NFATC2: variants seen among roughly 807,000 people sequenced by gnomAD.
The protein encoded by NFATC2 is nuclear factor of activated T-cells, cytoplasmic 2.
NFATC2 carries 22 observed loss-of-function variants against 87.3 expected under a neutral mutation model. That is an observed-to-expected ratio of 0.25 (90% CI 0.18 to 0.36). The LOEUF is 0.36. Among genes scored for constraint, NFATC2 ranks in the 10% least tolerant of loss-of-function variants. NFATC2 has a pLI of 1.00. For synonymous variants in NFATC2, 565 were observed against 542.2 expected, an observed-to-expected ratio of 1.04 and a Z score of -0.58; for missense variants, 1,149 against 1,259.1, an observed-to-expected ratio of 0.91 and a Z score of 1.32.
At chr20:51,561,473 AAGAAAG>A (rs1568765833) in intron 1 of NFATC2, among the ~76,000 whole-genome samples, 1 of 137,068 alleles carries the variant, frequency 7.3e-6, no homozygotes, top group Non-Finnish European at 1.6e-5. Context: ...GAAAGAAAGA[AAGAAAG>A]AAAGAAAGCA....
chr20:51,468,066 G>A (rs956140065), intron 5 of NFATC2, among the ~76,000 whole-genome samples: 4 of 152,190 alleles, frequency 2.6e-5, no homozygotes, highest in African/African-American at 9.7e-5. Context: ...ACCCAGAAGG[G>A]TACACACTGT....
At chr20:51,512,290 T>A (rs774477425) in intron 3 of NFATC2, among the ~76,000 whole-genome samples, 9 of 152,218 alleles carry the variant, frequency 5.9e-5, no homozygotes, top group Non-Finnish European at 1.3e-4. Flanking sequence ...TAATCAGCCA[T>A]CACGTCCCAC....
chr20:51,469,548 T>A (rs993342027), intron 5 of NFATC2, among the ~76,000 whole-genome samples: 1 of 152,050 alleles, frequency 6.6e-6, no homozygotes, highest in Non-Finnish European at 1.5e-5. Flanking sequence ...AAACTTCACA[T>A]CCACCCACAA....
intron 3 of NFATC2, among the ~76,000 whole-genome samples, chr20:51,483,172 A>C (rs1382623921): frequency 6.6e-6 from 1 of 152,120 alleles, no homozygotes; most frequent in East Asian, 1.9e-4. Context: ...CAAACACTGC[A>C]ATAAGAACCC....
chr20:51,458,729 G>A (rs1204924851), intron 5 of NFATC2, among the ~76,000 whole-genome samples: 1 of 152,016 alleles, frequency 6.6e-6, no homozygotes, highest in African/African-American at 2.4e-5. Flanking sequence ...CAGGAGAATT[G>A]CTTGAACCGG....
chr20:51,456,278 T>C (rs955072126), intron 5 of NFATC2, among the ~76,000 whole-genome samples: 38 of 152,166 alleles, frequency 2.5e-4, no homozygotes, highest in African/African-American at 7.0e-4. Context: ...TGCTGAGCAC[T>C]AAACCAGAAT....
At chr20:51,461,723 G>A (rs1386373038) in intron 5 of NFATC2, among the ~76,000 whole-genome samples, 3 of 152,232 alleles carry the variant, frequency 2.0e-5, no homozygotes, top group East Asian at 1.9e-4. Flanking sequence ...TCTGAAATTC[G>A]CCGTCAAGCC....
At chr20:51,409,827 G>A (rs2426305) in intron 9 of NFATC2, among the ~76,000 whole-genome samples, 94,562 of 152,058 alleles carry the variant, frequency 0.62, 30,879 homozygotes, top group Non-Finnish European at 0.74. Context: ...ATGAATGTGG[G>A]GTATGAGCAG....
At chr20:51,406,906 CTT>C (rs1978398210) in intron 9 of NFATC2, among the ~76,000 whole-genome samples, 1 of 152,226 alleles carries the variant, frequency 6.6e-6, no homozygotes, top group Admixed American at 6.5e-5. Flanking sequence ...GGAATTCCAT[CTT>C]GATTGACTCT....
At chr20:51,504,511 C>T (rs1358371300) in intron 3 of NFATC2, among the ~76,000 whole-genome samples, 2 of 152,166 alleles carry the variant, frequency 1.3e-5, no homozygotes, top group Non-Finnish European at 2.9e-5. Flanking sequence ...ATCTCAAGGT[C>T]GTTAAAGATT....
At chr20:51,556,824 C>T (rs2076982548) in intron 1 of NFATC2, among the ~76,000 whole-genome samples, 1 of 152,116 alleles carries the variant, frequency 6.6e-6, no homozygotes. Context: ...GCTTCAGCCA[C>T]CCAGAGAAGC....
intron 3 of NFATC2, among the ~76,000 whole-genome samples, chr20:51,509,964 T>C (rs921202900): frequency 6.6e-6 from 1 of 152,220 alleles, no homozygotes; most frequent in Admixed American, 6.5e-5. Flanking sequence ...GAAATGGCCA[T>C]CGGGTTTCCG....
At chr20:51,421,064 C>T (rs1443667138) in intron 9 of NFATC2, among the ~76,000 whole-genome samples, 1 of 132,544 alleles carries the variant, frequency 7.5e-6, no homozygotes, top group Non-Finnish European at 1.5e-5. Context: ...ATAGCAAGAC[C>T]CTATGTCTTA....
intron 9 of NFATC2, among the ~76,000 whole-genome samples, chr20:51,405,524 G>A: frequency 6.6e-6 from 1 of 152,226 alleles, no homozygotes; most frequent in Non-Finnish European, 1.5e-5. Flanking sequence ...CATAGGCACT[G>A]CCTTTCAGCT....
At chr20:51,542,295 G>T in intron 1 of NFATC2, 75 bp downstream of exon 1, 1 of 1,512,742 alleles carries the variant, frequency 6.6e-7, no homozygotes, top group Non-Finnish European at 8.8e-7. Context: ...GGAGCCAAGA[G>T]GACTCCTGTG....
In NFATC2 at chr20:51,523,287, G is replaced by A. The variant is rs1056395742; in HGVS notation, c.954C>T (p.Ile318=). ...GGCTGGTCTTCCACATCTTGGGGGG[G>A]ATCCCACAAGGCGAGTCCGTGGCGA... ...NSLATDSPCG[I]PPKMWKTSPD... The change falls in exon 2 of 11, where the codon ATC becomes ATT. Residue 318 remains isoleucine (I), a synonymous_variant. Transcript: ENST00000371564. The surrounding 1 kb of genome is among the most constrained non-coding windows in gnomAD (Gnocchi z 6.9). 3.7e-6 allele frequency: 6 copies of A among 1,613,686 alleles called. No individual in the cohort carries two copies. Among genetic ancestry groups the A allele is most frequent in the Admixed American group, 1.7e-5 (1 of 59,994 alleles).
chr20:51,406,199 G>A (rs1189243319), intron 9 of NFATC2, among the ~76,000 whole-genome samples: 1 of 152,184 alleles, frequency 6.6e-6, no homozygotes, highest in Non-Finnish European at 1.5e-5. Flanking sequence ...CAGCTATTAT[G>A]TGGCAGAGCA....
intron 9 of NFATC2, 80 bp downstream of exon 9, chr20:51,431,987 A>T (rs1982778863): frequency 7.2e-7 from 1 of 1,392,078 alleles, no homozygotes; most frequent in Non-Finnish European, 9.7e-7. Context: ...CGGAATCCGT[A>T]GGCCATGCAG....
chr20:51,423,819 C>T (rs893081963), intron 9 of NFATC2, among the ~76,000 whole-genome samples: 1 of 152,172 alleles, frequency 6.6e-6, no homozygotes, highest in Non-Finnish European at 1.5e-5. Flanking sequence ...GACAGCAAGT[C>T]TGGGAAGGGA....
Sources: allele counts gnomAD v4.1 joint callset (sites outside exome capture counted in the v4.1 genomes callset), GRCh38; gene constraint gnomAD v4.1.1; non-coding constraint Gnocchi (gnomAD v3.1); transcripts MANE v1.5; gene names NCBI Gene and HGNC (gene_info 2026-07-23, HGNC 2026-07-21).